The following LRRTM4 variants were observed in gnomAD, a reference collection of about 807,000 sequenced individuals.
LRRTM4 encodes leucine rich repeat transmembrane neuronal 4.
A neutral mutation model predicts 47.6 loss-of-function variants in LRRTM4; 25 were observed. The observed-to-expected ratio is 0.53, with a 90% CI of 0.38 to 0.73. The LOEUF (loss-of-function observed/expected upper bound fraction) is 0.73, where lower values mean the gene tolerates loss of function less well. LRRTM4 is among the 30% of genes least tolerant of loss of function. The pLI is 0.00. For missense variants in LRRTM4, 638 were observed against 713.4 expected, an observed-to-expected ratio of 0.89 and a Z score of 1.20; for synonymous variants, 311 against 269.5, an observed-to-expected ratio of 1.15 and a Z score of -1.51.
At chr2:77,321,081 G>T (rs1274628295) in intron 3 of LRRTM4, among the ~76,000 whole-genome samples, 2 of 151,792 alleles carry the variant, frequency 1.3e-5, no homozygotes, top group African/African-American at 4.8e-5. Flanking sequence ...TTTAAAAAAA[G>T]GACAAAAAGA....
chr2:77,056,220 T>A (rs1478210472), intron 3 of LRRTM4, among the ~76,000 whole-genome samples: 1 of 149,142 alleles, frequency 6.7e-6, no homozygotes, highest in Non-Finnish European at 1.5e-5. Context: ...AATAATTATG[T>A]GATATATGAA....
chr2:77,036,266 T>C (rs1444143226), intron 3 of LRRTM4, among the ~76,000 whole-genome samples: 1 of 151,804 alleles, frequency 6.6e-6, no homozygotes, highest in East Asian at 1.9e-4. Flanking sequence ...TAAATTTTAT[T>C]TAATTGGATA....
At chr2:77,101,382 C>T (rs546354081) in intron 3 of LRRTM4, among the ~76,000 whole-genome samples, 3 of 152,152 alleles carry the variant, frequency 2.0e-5, no homozygotes, top group South Asian at 2.1e-4. Context: ...AAACAGAGTG[C>T]GTACATACAA....
chr2:77,381,594 A>AT (rs1673053775), intron 3 of LRRTM4, among the ~76,000 whole-genome samples: 1 of 152,068 alleles, frequency 6.6e-6, no homozygotes, highest in African/African-American at 2.4e-5. Context: ...AAACACAAAC[A>AT]TTTATCTTCA....
At chr2:76,968,122 G>A (rs1033099176) in intron 3 of LRRTM4, among the ~76,000 whole-genome samples, 18 of 150,760 alleles carry the variant, frequency 1.2e-4, no homozygotes, top group African/African-American at 4.1e-4. Flanking sequence ...ACATTTTGAT[G>A]CATATGCAAG....
chr2:77,352,106 C>A (rs1344449877), intron 3 of LRRTM4, among the ~76,000 whole-genome samples: 3 of 152,116 alleles, frequency 2.0e-5, no homozygotes, highest in Non-Finnish European at 4.4e-5. Context: ...AGGGAAGATT[C>A]TATTATTATA....
At chr2:77,465,240 A>T (rs1676940019) in intron 3 of LRRTM4, among the ~76,000 whole-genome samples, 1 of 152,296 alleles carries the variant, frequency 6.6e-6, no homozygotes, top group Non-Finnish European at 1.5e-5. Context: ...ACAAAATAGC[A>T]AGTGTTCAGC....
intron 3 of LRRTM4, among the ~76,000 whole-genome samples, chr2:77,436,952 C>CAT (rs1483505109): frequency 1.3e-5 from 2 of 151,854 alleles, no homozygotes; most frequent in African/African-American, 2.4e-5. Flanking sequence ...ATCCACATAA[C>CAT]ATATATATAA....
At chr2:76,832,880 T>A (rs985341851) in intron 3 of LRRTM4, among the ~76,000 whole-genome samples, 1 of 152,028 alleles carries the variant, frequency 6.6e-6, no homozygotes, top group Non-Finnish European at 1.5e-5. Context: ...GAATGGAACA[T>A]GCTGACTCGT....
At chr2:76,829,418 T>C (rs1671273457) in intron 3 of LRRTM4, among the ~76,000 whole-genome samples, 1 of 151,978 alleles carries the variant, frequency 6.6e-6, no homozygotes, top group Non-Finnish European at 1.5e-5. Flanking sequence ...GGTTTAATCC[T>C]ACTCTTAGCT....
At position 77,016,613 on chromosome 2, in the gene LRRTM4, G is replaced by A. The variant is rs867113472; in HGVS notation, c.1552-267697C>T. On this transcript the variant is annotated intron_variant, in intron 3 of 3. Transcript: ENST00000409884. ...GCTTGAATTGCCTCTCTCTTCTCAC[G>A]CTAGGTACCTATTTCTGAAACAAGG... is the stretch of plus-strand genomic sequence containing the variant. Among the ~76,000 whole-genome samples the A allele has an allele frequency of 5.3e-5, 8 of 151,926 alleles. No individual in the cohort carries two copies. The East Asian group carries it at 7.8e-4, about 15-fold the overall frequency.
chr2:76,763,609 A>G (rs1673343448), intron 3 of LRRTM4, among the ~76,000 whole-genome samples: 2 of 152,336 alleles, frequency 1.3e-5, no homozygotes, highest in East Asian at 3.9e-4. Flanking sequence ...ATCCAAACAT[A>G]TGAATAGAGA....
intron 3 of LRRTM4, among the ~76,000 whole-genome samples, chr2:77,062,090 C>T (rs776613690): frequency 5.9e-5 from 9 of 152,112 alleles, no homozygotes; most frequent in Admixed American, 2.0e-4. Context: ...GAAATATTTT[C>T]GTCATTGGTC....
rs959153353 is a variant in LRRTM4 at position 77,081,592 on chromosome 2, A to G, written c.1552-332676T>C. On this transcript the variant is annotated intron_variant, in intron 3 of 3. Coordinates refer to ENST00000409884, the MANE Select transcript of LRRTM4 (RefSeq NM_001134745.3). ...AGCTTTCATCACTTTCACAAATTTTATTGTACATAGGTGACTTTCTTCCCA... is the reference window on the plus strand; with the variant it reads ...AGCTTTCATCACTTTCACAAATTTTGTTGTACATAGGTGACTTTCTTCCCA... Among the ~76,000 whole-genome samples the G allele has an allele frequency of 9.2e-5, 14 of 152,168 alleles. No homozygotes were observed. The South Asian group carries it at 2.9e-3, about 32-fold the overall frequency.
chr2:77,473,917 C>T (rs543909736), intron 3 of LRRTM4, among the ~76,000 whole-genome samples: 1 of 152,240 alleles, frequency 6.6e-6, no homozygotes, highest in East Asian at 1.9e-4. Context: ...TACGAATAAC[C>T]ATTTGCTCAA....
intron 3 of LRRTM4, among the ~76,000 whole-genome samples, chr2:77,333,112 A>G (rs1573267503): frequency 6.6e-6 from 1 of 152,022 alleles, no homozygotes; most frequent in African/African-American, 2.4e-5. Flanking sequence ...TTTGCCTTTC[A>G]CCTTCTGCCA....
At chr2:77,299,516 G>C (rs573773843) in intron 3 of LRRTM4, among the ~76,000 whole-genome samples, 3 of 152,112 alleles carry the variant, frequency 2.0e-5, no homozygotes, top group African/African-American at 7.2e-5. Context: ...GAAGATTTCT[G>C]AACTAAATAA....
At chr2:77,361,162 T>C (rs1406077832) in intron 3 of LRRTM4, among the ~76,000 whole-genome samples, 2 of 152,072 alleles carry the variant, frequency 1.3e-5, no homozygotes, top group Non-Finnish European at 2.9e-5. Flanking sequence ...CTTCTAAATA[T>C]TGATTTCTTT....
At chr2:77,072,501 C>T (rs1283352271) in intron 3 of LRRTM4, among the ~76,000 whole-genome samples, 2 of 151,938 alleles carry the variant, frequency 1.3e-5, no homozygotes, top group Admixed American at 6.6e-5. Context: ...CTGGGTCACC[C>T]AAGACTGCCT....
Sources: gnomAD v4.1 joint callset for allele counts (sites outside exome capture counted in the v4.1 genomes callset) on GRCh38, gnomAD v4.1.1 for gene constraint, MANE v1.5 for transcripts, NCBI Gene and HGNC (gene_info 2026-07-23, HGNC 2026-07-21) for gene names.